Variants in PCDH15 observed in about 807,000 individuals in gnomAD.
The protein encoded by PCDH15 is protocadherin-15.
A neutral mutation model predicts 178.5 loss-of-function variants in PCDH15; 129 were observed. The observed-to-expected ratio is 0.72, with a 90% CI of 0.63 to 0.84. The LOEUF is 0.84. Among genes scored for constraint, PCDH15 ranks in the 40% least tolerant of loss-of-function variants. PCDH15 has a pLI of 0.00. For missense variants in PCDH15, 2,230 were observed against 2,099.9 expected (o/e 1.06, Z -1.21); for synonymous variants, 800 against 732.0 (o/e 1.09, Z -1.50).
At chr10:53,821,956 T>G in intron 32 of PCDH15, 1 of 1,613,780 alleles carries the variant, frequency 6.2e-7, no homozygotes, top group Non-Finnish European at 8.5e-7. Context: ...TCCATATTTG[T>G]TACTTCTGAA....
intron 2 of PCDH15, among the ~76,000 whole-genome samples, chr10:55,441,307 T>A (rs1397058022): frequency 6.6e-6 from 1 of 152,208 alleles, no homozygotes; most frequent in African/African-American, 2.4e-5. Context: ...CTTGTCTTTG[T>A]TCTTTGGACA....
chr10:54,842,384 A>G (rs1474873495), intron 3 of PCDH15, among the ~76,000 whole-genome samples: 1 of 151,786 alleles, frequency 6.6e-6, no homozygotes, highest in African/African-American at 2.4e-5. Flanking sequence ...CTAGTAACTC[A>G]CACTTAGTAA....
rs946349291 is a variant in PCDH15 at position 54,495,621 on chromosome 10, G to C, written c.157+32191C>G. On this transcript the variant is annotated intron_variant, in intron 3 of 37. Coordinates refer to ENST00000644397, the MANE Select transcript of PCDH15 (RefSeq NM_001384140.1). Reference sequence around the variant, plus strand: ...TAGAGATAATAAAAGTTAGAGAAAGGACAAATGGGGAGCTTTTCTTTTTTA... The same window carrying C: ...TAGAGATAATAAAAGTTAGAGAAAGCACAAATGGGGAGCTTTTCTTTTTTA... Among the ~76,000 whole-genome samples the C allele has an allele frequency of 6.6e-4, 100 of 152,078 alleles. 2 individuals carry two copies. Among genetic ancestry groups the C allele is most frequent in the Admixed American group, 6.6e-3 (100 of 15,258 alleles).
At chr10:54,756,037 A>G (rs1243034569) in intron 1 of PCDH15, among the ~76,000 whole-genome samples, 1 of 141,322 alleles carries the variant, frequency 7.1e-6, no homozygotes, top group Non-Finnish European at 1.5e-5. Context: ...AATATGGTGA[A>G]ACCCCCGTCT....
intron 28 of PCDH15, among the ~76,000 whole-genome samples, chr10:53,848,763 T>C (rs190532154): frequency 8.3e-4 from 126 of 152,192 alleles, no homozygotes; most frequent in African/African-American, 2.7e-3. Context: ...TACGGGTACC[T>C]TCATTACGAT....
At chr10:55,365,560 C>A (rs1356359193) in intron 2 of PCDH15, among the ~76,000 whole-genome samples, 1 of 152,060 alleles carries the variant, frequency 6.6e-6, no homozygotes, top group Admixed American at 6.6e-5. Context: ...TCCCACAATT[C>A]CTACATGTCA....
intron 1 of PCDH15, among the ~76,000 whole-genome samples, chr10:54,718,050 G>A (rs1158536384): frequency 1.3e-5 from 2 of 149,714 alleles, no homozygotes; most frequent in Non-Finnish European, 3.0e-5. Context: ...TCATAGATGG[G>A]AATTGAACAA....
At chr10:53,890,398 G>T (rs2081474872) in intron 26 of PCDH15, among the ~76,000 whole-genome samples, 1 of 152,138 alleles carries the variant, frequency 6.6e-6, no homozygotes, top group South Asian at 2.1e-4. Context: ...TGCATGTCCA[G>T]CCTGGGCGAC....
chr10:55,613,628 T>G (rs536799371), intron 2 of PCDH15, among the ~76,000 whole-genome samples: 1 of 152,316 alleles, frequency 6.6e-6, no homozygotes, highest in South Asian at 2.1e-4. Flanking sequence ...TTTTCTGCTC[T>G]TATGAATTTG....
Position 54,297,732 on chromosome 10 carries a change from C to T in PCDH15, c.876+19539G>A, listed in dbSNP as rs369628678. 3.3e-3 allele frequency among the ~76,000 whole-genome samples: 501 copies of T among 152,268 alleles called. 2 individuals carry two copies. Among genetic ancestry groups the T allele is most frequent in the South Asian group, 0.015 (70 of 4,812 alleles). On this transcript the variant is annotated intron_variant, in intron 8 of 37. Transcript: ENST00000644397. ...GGGTACATGTCCCCTTCTCCCTCTC[C>T]GATTTAAAGCAGATCAAGGCAGACC...
At chr10:54,527,742 T>C in intron 3 of PCDH15, 70 bp downstream of exon 3, 1 of 1,331,760 alleles carries the variant, frequency 7.5e-7, no homozygotes, top group Non-Finnish European at 1.1e-6. Context: ...CTACTCATAG[T>C]AGATTGAGAA....
intron 5 of PCDH15, among the ~76,000 whole-genome samples, chr10:54,353,959 A>G (rs1482082929): frequency 6.6e-6 from 1 of 152,170 alleles, no homozygotes; most frequent in Non-Finnish European, 1.5e-5. Flanking sequence ...AGTTGAATAT[A>G]CATATGAGCT....
intron 3 of PCDH15, among the ~76,000 whole-genome samples, chr10:54,502,252 T>A (rs147512407): frequency 2.0e-3 from 302 of 152,258 alleles, no homozygotes; most frequent in African/African-American, 7.1e-3. Context: ...TATATTCATA[T>A]ACAAAAATGT....
intron 13 of PCDH15, among the ~76,000 whole-genome samples, chr10:54,156,244 G>C (rs550225484): frequency 6.6e-6 from 1 of 152,044 alleles, no homozygotes; most frequent in Non-Finnish European, 1.5e-5. Context: ...CTTCCTCTCA[G>C]TGTTTCAACA....
At chr10:54,567,149 T>TA (rs529616075) in intron 2 of PCDH15, among the ~76,000 whole-genome samples, 109 of 152,308 alleles carry the variant, frequency 7.2e-4, no homozygotes, top group Middle Eastern at 3.4e-3. Context: ...AGGTGACTGT[T>TA]ACGGTTTTTG....
At chr10:54,937,379 C>T (rs1010268173) in intron 2 of PCDH15, among the ~76,000 whole-genome samples, 1 of 151,956 alleles carries the variant, frequency 6.6e-6, no homozygotes, top group Admixed American at 6.5e-5. Context: ...ATAGGGATTG[C>T]ACTGAAATCA....
intron 3 of PCDH15, among the ~76,000 whole-genome samples, chr10:54,436,610 AATTG>A (rs928285674): frequency 1.4e-4 from 22 of 152,270 alleles, no homozygotes; most frequent in African/African-American, 5.1e-4. Context: ...TTGTTCATTT[AATTG>A]ATTTTTATAT....
intron 13 of PCDH15, among the ~76,000 whole-genome samples, chr10:54,183,019 T>C (rs1213708079): frequency 6.6e-6 from 1 of 152,024 alleles, no homozygotes; most frequent in Non-Finnish European, 1.5e-5. Context: ...TTTGCTCTTG[T>C]TGCCCAGGCT....
intron 8 of PCDH15, among the ~76,000 whole-genome samples, chr10:54,309,596 T>A (rs531242213): frequency 4.4e-4 from 67 of 151,938 alleles, no homozygotes; most frequent in African/African-American, 8.2e-4. Context: ...GAGTTCGAGA[T>A]CAGCCTGACC....
Sources: gnomAD v4.1 joint callset for allele counts (sites outside exome capture counted in the v4.1 genomes callset) on GRCh38, gnomAD v4.1.1 for gene constraint, MANE v1.5 for transcripts, NCBI Gene and HGNC (gene_info 2026-07-23, HGNC 2026-07-21) for gene names.